The following LARGE1 variants were observed in gnomAD, a reference collection of about 807,000 sequenced individuals.
LARGE1 encodes xylosyl- and glucuronyltransferase LARGE1.
A neutral mutation model predicts 87.6 loss-of-function variants in LARGE1; 43 were observed. The observed-to-expected ratio is 0.49, with a 90% CI of 0.38 to 0.63. The LOEUF is 0.63. Among genes scored for constraint, LARGE1 ranks in the 30% least tolerant of loss-of-function variants. The pLI is 0.00. For synonymous variants in LARGE1, 434 were observed against 394.6 expected, an observed-to-expected ratio of 1.10 and a Z score of -1.18; for missense variants, 802 against 1,000.2, an observed-to-expected ratio of 0.80 and a Z score of 2.67.
chr22:33,681,453 C>T (rs2081769452), intron 2 of LARGE1, among the ~76,000 whole-genome samples: 1 of 152,200 alleles, frequency 6.6e-6, no homozygotes, highest in Non-Finnish European at 1.5e-5. Context: ...TGGGCCTCAT[C>T]GTCCTCTTCT....
chr22:33,621,275 T>C (rs2079742518), intron 4 of LARGE1, among the ~76,000 whole-genome samples: 1 of 152,220 alleles, frequency 6.6e-6, no homozygotes, highest in South Asian at 2.1e-4. Context: ...GTTCTCTTTT[T>C]AAGGGAGAGT....
intron 5 of LARGE1, among the ~76,000 whole-genome samples, chr22:33,587,121 T>C (rs977715469): frequency 6.6e-6 from 1 of 152,216 alleles, no homozygotes; most frequent in South Asian, 2.1e-4. Context: ...TAAAATGTTA[T>C]TTAAAAATGA....
rs911410317 is a variant in LARGE1 at position 33,272,690 on chromosome 22, G to A, written c.*1737C>T. ...TTTCCTAATTCTTGTATAAATTTCC[G>A]TGTAACATCCACTTGAGCATGTAAC... is the stretch of plus-strand genomic sequence containing the variant. On this transcript the variant is annotated 3_prime_UTR_variant, in exon 15 of 15. Transcript: ENST00000397394. Among the ~76,000 whole-genome samples the A allele has an allele frequency of 6.6e-6, 1 of 151,926 alleles. No individual in the cohort carries two copies. Among genetic ancestry groups the A allele is most frequent in the Non-Finnish European group, 1.5e-5 (1 of 68,014 alleles).
At chr22:33,204,443 C>T (rs534631659) in intron 11 of LARGE1, among the ~76,000 whole-genome samples, 64 of 152,102 alleles carry the variant, frequency 4.2e-4, no homozygotes, top group Non-Finnish European at 6.6e-4. Flanking sequence ...TGCTTGAAAA[C>T]GTCTCATTTA....
At chr22:33,685,983 A>G (rs1603140588) in intron 2 of LARGE1, among the ~76,000 whole-genome samples, 1 of 152,210 alleles carries the variant, frequency 6.6e-6, no homozygotes, top group Non-Finnish European at 1.5e-5. Context: ...CTGGCACAGG[A>G]TAAGTGCTCA....
intron 4 of LARGE1, among the ~76,000 whole-genome samples, chr22:33,621,364 G>A (rs142546344): frequency 6.4e-4 from 98 of 152,290 alleles, no homozygotes; most frequent in South Asian, 6.4e-3. Flanking sequence ...AATTGTCAGC[G>A]TTGGCATTAG....
At chr22:33,672,031 C>T (rs2081430455) in intron 2 of LARGE1, among the ~76,000 whole-genome samples, 1 of 152,188 alleles carries the variant, frequency 6.6e-6, no homozygotes, top group African/African-American at 2.4e-5. Context: ...TTAAGCTACA[C>T]TTGCTCTATC....
chr22:33,437,861 C>T (rs139323674), intron 6 of LARGE1, among the ~76,000 whole-genome samples: 39 of 152,148 alleles, frequency 2.6e-4, no homozygotes, highest in African/African-American at 8.2e-4. Flanking sequence ...AGTGACAGGG[C>T]GATATTAGCA....
At chr22:33,864,367 C>A (rs762173809) in intron 1 of LARGE1, among the ~76,000 whole-genome samples, 4 of 152,250 alleles carry the variant, frequency 2.6e-5, no homozygotes, top group Non-Finnish European at 5.9e-5. Context: ...TAGCCCAAAG[C>A]ACAATACAGA....
At chr22:33,411,320 C>T (rs959500298) in intron 7 of LARGE1, among the ~76,000 whole-genome samples, 7 of 152,234 alleles carry the variant, frequency 4.6e-5, no homozygotes, top group Admixed American at 1.3e-4. Flanking sequence ...CACTGGTCAA[C>T]GATCCATGGC....
chr22:33,610,997 T>C (rs2079411818), intron 4 of LARGE1, among the ~76,000 whole-genome samples: 1 of 152,050 alleles, frequency 6.6e-6, no homozygotes, highest in Non-Finnish European at 1.5e-5. Flanking sequence ...GGACGGAGAG[T>C]GCAAGAGTGA....
At chr22:33,709,979 G>GAAAAAAA (rs5845106) in intron 2 of LARGE1, among the ~76,000 whole-genome samples, 2 of 88,792 alleles carry the variant, frequency 2.3e-5, no homozygotes, top group African/African-American at 3.9e-5. Context: ...TTGCTAGGCA[G>GAAAAAAA]AAAAAAAAAA....
At chr22:33,248,361 T>G (rs1014699066) in intron 11 of LARGE1, among the ~76,000 whole-genome samples, 37 of 152,062 alleles carry the variant, frequency 2.4e-4, no homozygotes, top group African/African-American at 7.7e-4. Context: ...CTAATTTTTT[T>G]GTGTATTTTT....
At chr22:33,816,897 C>T (rs2086670360) in intron 1 of LARGE1, among the ~76,000 whole-genome samples, 1 of 152,126 alleles carries the variant, frequency 6.6e-6, no homozygotes. Context: ...TAACGCACTG[C>T]CAACCTCCTC....
chr22:33,638,195 A>C (rs2080324637), intron 3 of LARGE1, among the ~76,000 whole-genome samples: 1 of 152,228 alleles, frequency 6.6e-6, no homozygotes. Flanking sequence ...TATTATGTAA[A>C]GTCCATGAAG....
At chr22:33,832,022 T>A (rs2062987036) in intron 1 of LARGE1, among the ~76,000 whole-genome samples, 1 of 152,202 alleles carries the variant, frequency 6.6e-6, no homozygotes, top group Admixed American at 6.5e-5. Context: ...CCCTCCCTTC[T>A]TCCTTTCACC....
At chr22:33,835,205 T>A (rs1418096633) in intron 1 of LARGE1, among the ~76,000 whole-genome samples, 1 of 152,240 alleles carries the variant, frequency 6.6e-6, no homozygotes, top group African/African-American at 2.4e-5. Flanking sequence ...TATGGTGGTA[T>A]AATATTTTAC....
chr22:33,326,081 C>T (rs1228654143), intron 10 of LARGE1, among the ~76,000 whole-genome samples: 1 of 152,200 alleles, frequency 6.6e-6, no homozygotes, highest in Non-Finnish European at 1.5e-5. Flanking sequence ...CAACAAGTTC[C>T]AGGAACCCAA....
chr22:33,188,458 A>G (rs535271220), intron 11 of LARGE1, among the ~76,000 whole-genome samples: 42 of 152,220 alleles, frequency 2.8e-4, no homozygotes, highest in South Asian at 1.5e-3. Flanking sequence ...TGCAAATGCT[A>G]CTCAACAATA....
Sources: allele counts gnomAD v4.1 joint callset (sites outside exome capture counted in the v4.1 genomes callset), GRCh38; gene constraint gnomAD v4.1.1; transcripts MANE v1.5; gene names NCBI Gene and HGNC (gene_info 2026-07-23, HGNC 2026-07-21).